STON2: variants seen among roughly 807,000 people sequenced by gnomAD.
STON2 encodes stonin-2.
Under a neutral mutation model 65.7 loss-of-function variants are expected in STON2, and 29 were observed. The ratio of observed to expected loss-of-function variants is 0.44; its 90% confidence interval spans 0.33 to 0.60. STON2 has a LOEUF of 0.60. STON2 is among the 20% of genes least tolerant of loss of function. STON2 has a pLI of 0.03. For missense variants in STON2, 1,054 were observed against 1,118.1 expected (o/e 0.94, Z 0.82); for synonymous variants, 404 against 414.2 (o/e 0.98, Z 0.30).
rs1175974921 is a variant in STON2 at position 81,271,019 on chromosome 14, G to A, written c.2582-147C>T. ...GGTCCAGTGTTGAGCACGAGGATCC[G>A]CCCGGCTCAGCAGAATTCACGCTCC... On this transcript the variant is annotated intron_variant, in intron 6 of 7. Coordinates refer to ENST00000614646, the MANE Select transcript of STON2 (RefSeq NM_001394390.1). The A allele has an allele frequency of 1.3e-5, 14 of 1,049,066 alleles. No homozygotes were observed. In the South Asian group the frequency reaches 2.0e-4, roughly 15 times the overall value. 65.0% of individuals were successfully genotyped at this position (1,049,066 alleles called of 1,614,324 possible).
intron 4 of STON2, chr14:81,333,108 C>T: frequency 9.5e-7 from 1 of 1,054,518 alleles, no homozygotes; most frequent in Non-Finnish European, 1.4e-6. Context: ...ATTCATATTT[C>T]TTTGCATAAT....
Position 81,413,262 on chromosome 14 carries a change from C to A in STON2, c.-199+13840G>T. On this transcript the variant is annotated intron_variant, in intron 2 of 8. Coordinates refer to the STON2 transcript ENST00000553821. ...TAAAAGCATGGACTGTGCCACCCAC[C>A]AGTGGTCCATCCAAAAACAAGGACT... 2.7e-6 allele frequency: 4 copies of A among 1,501,668 alleles called. 1 individual carries two copies. In the South Asian group the frequency reaches 3.9e-5, roughly 15 times the overall value. The allele number at this position is 1,501,668 out of a possible 1,614,324, so 93.0% of individuals were successfully genotyped here.
rs935670227 is a variant in STON2 at position 81,357,530 on chromosome 14, C to T, written c.571+13458G>A. ...ATCTAGAACTAGAAATACCATTTGACCCAGCCATCCCATTACTGGGTATAT... is the reference window on the plus strand; with the variant it reads ...ATCTAGAACTAGAAATACCATTTGATCCAGCCATCCCATTACTGGGTATAT... On this transcript the variant is annotated intron_variant, in intron 4 of 7. Transcript: ENST00000614646. Among the ~76,000 whole-genome samples, 9 of 150,998 alleles carry T rather than the reference C, an allele frequency of 6.0e-5. No homozygotes were observed. The East Asian group carries it at 7.9e-4, about 13-fold the overall frequency.
rs554174340 is a variant in STON2, at chr14:81,297,069, C to T, written c.743-18330G>A. On this transcript the variant is annotated intron_variant, in intron 5 of 7. Coordinates refer to ENST00000614646, the MANE Select transcript of STON2 (RefSeq NM_001394390.1). ...GCCCTTGGGGACTTCCGGAGTGTGT[C>T]AGGCACTTTGGTGACTCCTGGAGTT... is the stretch of plus-strand genomic sequence containing the variant. Among the ~76,000 whole-genome samples the T allele has an allele frequency of 7.9e-5, 12 of 152,270 alleles. 1 individual carries two copies. Among genetic ancestry groups the T allele is most frequent in the African/African-American group, 2.6e-4 (11 of 41,532 alleles).
intron 4 of STON2, among the ~76,000 whole-genome samples, chr14:81,356,403 G>C (rs1308789385): frequency 6.6e-6 from 1 of 152,086 alleles, no homozygotes; most frequent in African/African-American, 2.4e-5. Context: ...TGCTGGATTC[G>C]GTTTGCCAGT....
chr14:81,323,112 G>A (rs1404542423), intron 5 of STON2, among the ~76,000 whole-genome samples: 1 of 152,102 alleles, frequency 6.6e-6, no homozygotes, highest in Admixed American at 6.5e-5. Context: ...ATCTTCCCAG[G>A]TATTAAAGTT....
chr14:81,271,058 C>T (rs73335532), intron 6 of STON2, among the ~76,000 whole-genome samples, 186 bp from the exon 7 acceptor site: 2,284 of 152,196 alleles, frequency 0.015, 66 homozygotes, highest in African/African-American at 0.052. Flanking sequence ...ATGCCTCAGC[C>T]CCTCGATATA....
At chr14:81,301,662 T>G (rs1469267706) in intron 5 of STON2, among the ~76,000 whole-genome samples, 1 of 152,174 alleles carries the variant, frequency 6.6e-6, no homozygotes, top group East Asian at 1.9e-4. Context: ...AGTAAATACA[T>G]CTGGTTGGGA....
At chr14:81,307,892 G>T (rs1284073920) in intron 5 of STON2, among the ~76,000 whole-genome samples, 1 of 152,056 alleles carries the variant, frequency 6.6e-6, no homozygotes. Flanking sequence ...TCAACAGTTG[G>T]CTATTTTAGT....
In STON2 at chr14:81,340,715, C is replaced by T. The variant is rs140702275; in HGVS notation, c.572-16528G>A. On this transcript the variant is annotated intron_variant, in intron 4 of 7. Coordinates refer to ENST00000614646, the MANE Select transcript of STON2 (RefSeq NM_001394390.1). Reference sequence around the variant, plus strand: ...TAGCCTGGGTTCCTGAACTCTGGAGCACTGCACACAGACACCAACTCGCAC... The same window carrying T: ...TAGCCTGGGTTCCTGAACTCTGGAGTACTGCACACAGACACCAACTCGCAC... Among the ~76,000 whole-genome samples the T allele has an allele frequency of 6.6e-5, 10 of 152,176 alleles. No homozygotes were observed. The East Asian group carries it at 1.9e-3, about 29-fold the overall frequency.
chr14:81,328,953 C>A (rs909862962), intron 4 of STON2, among the ~76,000 whole-genome samples: 6 of 152,158 alleles, frequency 3.9e-5, no homozygotes. Context: ...ACCTGAAGAA[C>A]CATGAGCCAA....
chr14:81,302,034 G>A lies in STON2; in HGVS notation c.742+21983C>T, dbSNP rs151204845. On this transcript the variant is annotated intron_variant, in intron 5 of 7. Coordinates refer to ENST00000614646, the MANE Select transcript of STON2 (RefSeq NM_001394390.1). ...CATAACATGACACTGTGCACTGAGG[G>A]CAGTTGGCTGTCCCAATCAGAGTGG... Among the ~76,000 whole-genome samples, 167 of 152,248 alleles carry A rather than the reference G, an allele frequency of 1.1e-3. 1 individual carries two copies. The Middle Eastern group carries it at 0.017, about 16-fold the overall frequency.
intron 7 of STON2, chr14:81,269,766 C>T (rs1894498660): frequency 1.0e-6 from 1 of 985,366 alleles, no homozygotes; most frequent in Non-Finnish European, 1.2e-6. Flanking sequence ...CTTTTCCAAT[C>T]GTTGGCATTT....
chr14:81,354,585 T>C (rs1475429511), intron 4 of STON2, among the ~76,000 whole-genome samples: 3 of 152,120 alleles, frequency 2.0e-5, no homozygotes, highest in Non-Finnish European at 4.4e-5. Context: ...TCGAAAAAGT[T>C]CAGTAAATGA....
chr14:81,396,796 T>TG (rs1900347690), intron 2 of STON2, among the ~76,000 whole-genome samples: 1 of 152,208 alleles, frequency 6.6e-6, no homozygotes, highest in Non-Finnish European at 1.5e-5. Context: ...CAGTGGCTCA[T>TG]GCCTATAATC....
At chr14:81,407,607 T>A (rs1437952519) in intron 2 of STON2, among the ~76,000 whole-genome samples, 1 of 152,200 alleles carries the variant, frequency 6.6e-6, no homozygotes, top group Non-Finnish European at 1.5e-5. Flanking sequence ...TGTCCAGTCA[T>A]CTGTTTGGAG....
rs1262298782 is a variant in STON2 at position 81,277,856 on chromosome 14, G to T, written c.1626C>A (p.Pro542=). The T allele has an allele frequency of 6.2e-7, 1 of 1,614,046 alleles. No homozygotes were observed. The highest frequency in any genetic ancestry group is 1.3e-5 in the African/African-American group (1 of 74,914). Residue 542 remains proline, a synonymous_variant, in exon 6 of 8, where the codon CCC becomes CCA. Transcript: ENST00000614646. ...CATTCTCATCATAGTTTTGAAGCCGGGGTTCTGAAATCTCATGACAGATCT... is the reference window on the plus strand; with the variant it reads ...CATTCTCATCATAGTTTTGAAGCCGTGGTTCTGAAATCTCATGACAGATCT... The part of the protein sequence containing the change: ...KLEICHEISE[P]RLQNYDENGR...
In STON2 at chr14:81,410,278, CAAAAAAAAA is replaced by C. The variant is rs1161157573; in HGVS notation, c.-198-11707_-198-11699del. 1.7e-4 allele frequency among the ~76,000 whole-genome samples: 8 copies of C among 45,798 alleles called. No homozygotes were observed. The South Asian group carries it at 2.8e-3, about 16-fold the overall frequency. The allele number at this position is 45,798 out of a possible 152,430, so 30.0% of individuals were successfully genotyped here. A position where few individuals can be genotyped will look rare whatever the true frequency, so the allele number is the denominator to read the frequency against. On this transcript the variant is annotated intron_variant, in intron 2 of 8. Coordinates refer to the STON2 transcript ENST00000553821. Reference sequence around the variant, plus strand: ...GCATGCAGATGAATGTAACTCTAACCAAAAAAAAAAAAAAAAAAAAAAAAAAAAACAGAA... The same window carrying C: ...GCATGCAGATGAATGTAACTCTAACCAAAAAAAAAAAAAAAAAAAACAGAA...
intron 5 of STON2, among the ~76,000 whole-genome samples, chr14:81,310,562 G>A (rs185701768): frequency 1.3e-5 from 2 of 152,322 alleles, no homozygotes; most frequent in East Asian, 3.9e-4. Flanking sequence ...AAATAGCTGA[G>A]TATCCAGATG....
Sources: gnomAD v4.1 joint callset for allele counts (sites outside exome capture counted in the v4.1 genomes callset) on GRCh38, gnomAD v4.1.1 for gene constraint, MANE v1.5 for transcripts, NCBI Gene and HGNC (gene_info 2026-07-23, HGNC 2026-07-21) for gene names.